Variants in PLEKHA1 observed in about 807,000 individuals in gnomAD.
PLEKHA1 encodes the protein pleckstrin homology domain-containing family A member 1.
Under a neutral mutation model 52.0 loss-of-function variants are expected in PLEKHA1, and 34 were observed. That is an observed-to-expected ratio of 0.65 (90% confidence interval 0.50 to 0.87). PLEKHA1 has a LOEUF of 0.87. Among genes scored for constraint, PLEKHA1 ranks in the 40% least tolerant of loss-of-function variants. PLEKHA1 has a pLI of 0.00. For missense variants in PLEKHA1, 497 were observed against 504.2 expected (o/e 0.99, Z 0.14); for synonymous variants, 163 against 170.7 (o/e 0.95, Z 0.35).
At chr10:122,383,306 T>C (rs1373781029) in intron 1 of PLEKHA1, among the ~76,000 whole-genome samples, 3 of 140,034 alleles carry the variant, frequency 2.1e-5, no homozygotes, top group Non-Finnish European at 4.6e-5. Flanking sequence ...TTCTTTTCTT[T>C]CTTTCTGTTT....
intron 4 of PLEKHA1, among the ~76,000 whole-genome samples, chr10:122,404,863 T>A (rs1367027225): frequency 6.6e-6 from 1 of 152,214 alleles, no homozygotes; most frequent in Non-Finnish European, 1.5e-5. Flanking sequence ...AATTTCAAAA[T>A]CTTGTGTGTT....
chr10:122,396,452 T>C (rs763325726), intron 2 of PLEKHA1, among the ~76,000 whole-genome samples: 1 of 152,132 alleles, frequency 6.6e-6, no homozygotes, highest in East Asian at 1.9e-4. Context: ...ATATTTACTA[T>C]TGATGATTTA....
In PLEKHA1 at chr10:122,393,681, T is replaced by TA. The variant is rs2096806336; in HGVS notation, c.141+340_141+341insA. On this transcript the variant is annotated intron_variant, in intron 2 of 11. Coordinates refer to ENST00000368990, the MANE Select transcript of PLEKHA1 (RefSeq NM_001001974.4). The surrounding 1 kb of genome is among the most constrained non-coding windows in gnomAD (Gnocchi z 4.5). ...TGTCCCAAAAATAAGAAATACTTTT[T>TA]TTGTAACATGTATTTCAAACAACAG... Among the ~76,000 whole-genome samples, 9 of 152,324 alleles carry TA rather than the reference T, an allele frequency of 5.9e-5. No homozygotes were observed. Among genetic ancestry groups the TA allele is most frequent in the African/African-American group, 1.9e-4 (8 of 41,572 alleles).
intron 8 of PLEKHA1, chr10:122,421,987 A>G (rs1284982911): frequency 2.0e-5 from 3 of 152,196 alleles, no homozygotes; most frequent in Admixed American, 2.0e-4. Context: ...GTTGTGCCAG[A>G]GGATAAGGAA....
At chr10:122,375,130 G>C (rs1473780830) in intron 1 of PLEKHA1, among the ~76,000 whole-genome samples, 1 of 151,644 alleles carries the variant, frequency 6.6e-6, no homozygotes, top group East Asian at 1.9e-4. Context: ...AGCGGCGCCC[G>C]GCGGGGGAGG....
rs182226529 is a variant in PLEKHA1 at position 122,380,537 on chromosome 10, A to G, written c.-21+5731A>G. 4.0e-3 allele frequency among the ~76,000 whole-genome samples: 607 copies of G among 152,326 alleles called. 3 individuals carry two copies. Among genetic ancestry groups the G allele is most frequent in the African/African-American group, 0.014 (577 of 41,578 alleles). On this transcript the variant is annotated intron_variant, in intron 1 of 11. Coordinates refer to ENST00000368990, the MANE Select transcript of PLEKHA1 (RefSeq NM_001001974.4). ...TTGAGTTACAAGTCCCCGAGTGGGAATCTTGTCTGGTGAGTCCAGCGGCCA... is the reference window on the plus strand; with the variant it reads ...TTGAGTTACAAGTCCCCGAGTGGGAGTCTTGTCTGGTGAGTCCAGCGGCCA...
At chr10:122,383,231 C>T (rs2096639275) in intron 1 of PLEKHA1, among the ~76,000 whole-genome samples, 3 of 152,210 alleles carry the variant, frequency 2.0e-5, no homozygotes, top group Non-Finnish European at 4.4e-5. Context: ...CCGTTTATTC[C>T]CTTCTCTAAA....
intron 1 of PLEKHA1, among the ~76,000 whole-genome samples, chr10:122,383,486 AT>A (rs5788548): frequency 0.4 from 55,813 of 138,028 alleles, 11,664 homozygotes; most frequent in Non-Finnish European, 0.5. Context: ...TGCCTGGCTA[AT>A]TTTTTTTTTT....
intron 1 of PLEKHA1, among the ~76,000 whole-genome samples, chr10:122,380,347 C>G (rs190400091): frequency 1.3e-5 from 2 of 152,238 alleles, no homozygotes; most frequent in Admixed American, 1.3e-4. Context: ...TGTGGGGAAA[C>G]AGACAAGAAT....
At chr10:122,409,079 T>G (rs1041787079) in intron 5 of PLEKHA1, among the ~76,000 whole-genome samples, 3 of 152,280 alleles carry the variant, frequency 2.0e-5, no homozygotes, top group African/African-American at 7.2e-5. Context: ...ATCTTGCCAT[T>G]TTAATCCATT....
At chr10:122,408,143 C>T (rs1364600771) in intron 5 of PLEKHA1, among the ~76,000 whole-genome samples, 4 of 152,138 alleles carry the variant, frequency 2.6e-5, no homozygotes, top group Non-Finnish European at 5.9e-5. Context: ...ATAAATATTC[C>T]CTGCTTGAAA....
intron 1 of PLEKHA1, among the ~76,000 whole-genome samples, chr10:122,380,765 G>A (rs188964646): frequency 3.3e-5 from 5 of 152,304 alleles, no homozygotes. Flanking sequence ...CAGAATTTCT[G>A]ATTTAATTGG....
intron 2 of PLEKHA1, among the ~76,000 whole-genome samples, chr10:122,395,686 A>G (rs912289927): frequency 3.2e-4 from 48 of 152,072 alleles, no homozygotes; most frequent in African/African-American, 1.2e-3. Flanking sequence ...TAAAGAAAGA[A>G]AATTAGTTTG....
rs2097372488 is a variant in PLEKHA1, at chr10:122,428,517, A to G, written c.901-1107A>G. On this transcript the variant is annotated intron_variant, in intron 11 of 11. Transcript: ENST00000368990. ...TGTAGTCATCAGGTTGGATATGTGT[A>G]TTTAAAAATAAAAAATAAAACATAC... is the stretch of plus-strand genomic sequence containing the variant. 5.5e-6 allele frequency: 6 copies of G among 1,100,338 alleles called. No homozygotes were observed. In the East Asian group the frequency reaches 9.7e-5, roughly 18 times the overall value. The allele number at this position is 1,100,338 out of a possible 1,614,324, so 68.2% of individuals were successfully genotyped here. A position where few individuals can be genotyped will look rare whatever the true frequency, so the allele number is the denominator to read the frequency against.
intron 5 of PLEKHA1, among the ~76,000 whole-genome samples, chr10:122,409,613 G>A (rs1294506548): frequency 6.6e-6 from 1 of 151,940 alleles, no homozygotes; most frequent in African/African-American, 2.4e-5. Flanking sequence ...CTAAAAATTA[G>A]TACTTTGAAT....
intron 7 of PLEKHA1, 105 bp from the exon 8 acceptor site, chr10:122,417,795 T>G: frequency 1.3e-6 from 1 of 768,870 alleles, no homozygotes; most frequent in South Asian, 1.8e-5. Context: ...GATTTTTCAC[T>G]GCTTGGCATG....
At chr10:122,418,159 A>G (rs1400878674) in intron 8 of PLEKHA1, 191 bp downstream of exon 8, 2 of 466,118 alleles carry the variant, frequency 4.3e-6, no homozygotes, top group Non-Finnish European at 7.6e-6. Context: ...AAGTAAAAAG[A>G]TCCTATCTTC....
At chr10:122,440,767 C>A in the PLEKHA1 span, 7 of 152,280 alleles carry the variant, frequency 4.6e-5, no homozygotes, top group South Asian at 2.1e-4. Context: ...CAGTCCAAAT[C>A]CAGCTCTTTG....
At chr10:122,424,178 T>G (rs748554275) in intron 8 of PLEKHA1, 21 bp from the exon 9 acceptor site, 26 of 1,421,396 alleles carry the variant, frequency 1.8e-5, no homozygotes, top group Middle Eastern at 2.2e-4. Context: ...ACTGTTTTTT[T>G]TTTTTTTTTT....
Sources: gnomAD v4.1 joint callset for allele counts (sites outside exome capture counted in the v4.1 genomes callset) on GRCh38, gnomAD v4.1.1 for gene constraint, Gnocchi (gnomAD v3.1) non-coding constraint, MANE v1.5 for transcripts, NCBI Gene and HGNC (gene_info 2026-07-23, HGNC 2026-07-21) for gene names.